The following PRDM16 variants were observed in gnomAD, a reference collection of about 807,000 sequenced individuals.
The protein encoded by PRDM16 is PR/SET domain 16, also known as histone-lysine N-methyltransferase PRDM16.
Under a neutral mutation model 110.6 loss-of-function variants are expected in PRDM16, and 23 were observed. The ratio of observed to expected loss-of-function variants is 0.21; its 90% confidence interval spans 0.15 to 0.29. PRDM16 has a LOEUF of 0.29. Among genes scored for constraint, PRDM16 ranks in the 10% least tolerant of loss-of-function variants. The pLI, the probability that PRDM16 is intolerant of heterozygous loss-of-function variation, is 1.00. For missense variants in PRDM16, 1,615 were observed against 1,794.3 expected (o/e 0.90, Z 1.81); for synonymous variants, 799 against 781.8 (o/e 1.02, Z -0.37).
At chr1:3,124,272 T>C (rs1325163379) in intron 1 of PRDM16, among the ~76,000 whole-genome samples, 1 of 152,168 alleles carries the variant, frequency 6.6e-6, no homozygotes, top group South Asian at 2.1e-4. Context: ...ATGTTAATTT[T>C]AAAATGAAAA....
chr1:3,396,546 T>C lies in PRDM16; in HGVS notation c.629T>C (p.Val210Ala). ...CCAGGTGAGGAGCTGCTGGTGCACG[T>C]GAAGGAAGGCGTCTACCCCCTGGGC... ...IEPGEELLVH[V>A]KEGVYPLGTV... The change falls in exon 5 of 17, where the codon GTG becomes GCG. Residue 210 changes from valine (V) to alanine (A), a missense_variant. Val to Ala is a moderately conservative substitution (Grantham distance 64). Coordinates refer to ENST00000270722, the MANE Select transcript of PRDM16 (RefSeq NM_022114.4). The C allele has an allele frequency of 6.2e-7, 1 of 1,607,586 alleles. No homozygotes were observed. The highest frequency in any genetic ancestry group is 8.5e-7 in the Non-Finnish European group (1 of 1,176,986).
chr1:3,315,159 G>T (rs575117736), intron 3 of PRDM16, among the ~76,000 whole-genome samples: 1 of 148,308 alleles, frequency 6.7e-6, no homozygotes, highest in African/African-American at 2.5e-5. Flanking sequence ...GCTTCACTCC[G>T]TGTCTCCCCC....
intron 3 of PRDM16, among the ~76,000 whole-genome samples, chr1:3,335,602 A>AACAC (rs3036535): frequency 0.064 from 9,269 of 144,300 alleles, 420 homozygotes; most frequent in African/African-American, 0.13. Flanking sequence ...CTGAGGTTAA[A>AACAC]ACACACACAC....
chr1:3,217,693 G>C (rs1557536362), intron 2 of PRDM16, among the ~76,000 whole-genome samples: 1 of 152,192 alleles, frequency 6.6e-6, no homozygotes, highest in Non-Finnish European at 1.5e-5. Flanking sequence ...CTGGGGCCAG[G>C]TCCCCGTGCC....
chr1:3,346,884 T>A lies in PRDM16; in HGVS notation c.439-38268T>A, dbSNP rs932517164. Reference sequence around the variant, plus strand: ...GGCTCCTGAGCAGTTCCTAACACTGTTCACCGGTGCTCTGCCGCTCCCCTT... The same window carrying A: ...GGCTCCTGAGCAGTTCCTAACACTGATCACCGGTGCTCTGCCGCTCCCCTT... On this transcript the variant is annotated intron_variant, in intron 3 of 16. Coordinates refer to ENST00000270722, the MANE Select transcript of PRDM16 (RefSeq NM_022114.4). 2.6e-5 allele frequency among the ~76,000 whole-genome samples: 4 copies of A among 152,184 alleles called. No individual in the cohort carries two copies. The East Asian group carries it at 7.7e-4, about 29-fold the overall frequency.
chr1:3,366,149 G>A (rs781734246), intron 3 of PRDM16, among the ~76,000 whole-genome samples: 6 of 152,230 alleles, frequency 3.9e-5, no homozygotes, highest in Non-Finnish European at 7.3e-5. Context: ...CTAGCGCCCC[G>A]ATGTGCCGAC....
intron 2 of PRDM16, among the ~76,000 whole-genome samples, chr1:3,198,499 C>T (rs927050478): frequency 5.9e-5 from 9 of 152,224 alleles, no homozygotes; most frequent in Non-Finnish European, 1.0e-4. Flanking sequence ...TTTGCAGCTC[C>T]GGGCCCACCT....
At chr1:3,181,311 C>G (rs1253865448) in intron 1 of PRDM16, among the ~76,000 whole-genome samples, 5 of 144,008 alleles carry the variant, frequency 3.5e-5, no homozygotes, top group Non-Finnish European at 7.5e-5. Flanking sequence ...TACACACGGT[C>G]TTACACACGC....
chr1:3,314,381 A>G (rs1388667676), intron 3 of PRDM16, among the ~76,000 whole-genome samples: 1 of 152,004 alleles, frequency 6.6e-6, no homozygotes, highest in Non-Finnish European at 1.5e-5. Flanking sequence ...ACCGAATCGG[A>G]AGGATTTGTT....
intron 1 of PRDM16, among the ~76,000 whole-genome samples, chr1:3,112,119 CT>C (rs763526369): frequency 2.6e-5 from 4 of 152,308 alleles, no homozygotes; most frequent in Non-Finnish European, 2.9e-5. Context: ...TGAGAAGTTC[CT>C]TTCCCCCCCT....
In PRDM16 at chr1:3,436,626, C is replaced by G. The variant is rs1557677478; in HGVS notation, c.*2815C>G. 4.3e-6 allele frequency: 1 copy of G among 232,452 alleles called. No individual in the cohort carries two copies. The highest frequency in any genetic ancestry group is 2.2e-5 in the African/African-American group (1 of 45,274). 14.4% of individuals were successfully genotyped at this position (232,452 alleles called of 1,614,324 possible). ...AGTGTGGCCCCAGGCCCCAGCGAGC[C>G]TCGCCCTCCCAGTTTTGCTCTGCCC... On this transcript the variant is annotated 3_prime_UTR_variant, in exon 17 of 17. Coordinates refer to ENST00000270722, the MANE Select transcript of PRDM16 (RefSeq NM_022114.4).
intron 3 of PRDM16, among the ~76,000 whole-genome samples, chr1:3,320,492 C>T (rs570277002): frequency 1.6e-4 from 24 of 152,318 alleles, no homozygotes; most frequent in African/African-American, 5.3e-4. Flanking sequence ...GGCTGCCTCC[C>T]GGGTTCTTGG....
chr1:3,432,078 C>A lies in PRDM16; in HGVS notation c.3634C>A (p.Leu1212Ile). 1 of 1,614,120 alleles carries A rather than the reference C, an allele frequency of 6.2e-7. No homozygotes were observed. Among genetic ancestry groups the A allele is most frequent in the South Asian group, 1.1e-5 (1 of 91,086 alleles). ...AEEAFEVKDV[L>I]NSTLDSEALK... Reference sequence around the variant, plus strand: ...GGAAGCATTTGAAGTTAAAGATGTGCTTAATTCCACCTTAGATTCTGAGGC... The same window carrying A: ...GGAAGCATTTGAAGTTAAAGATGTGATTAATTCCACCTTAGATTCTGAGGC... Residue 1212 changes from leucine (L) to isoleucine (I), a missense_variant, in exon 16 of 17, where the codon CTT becomes ATT. Physicochemically the swap from Leu to Ile is conservative, Grantham distance 5 (BLOSUM62 2). Coordinates refer to ENST00000270722, the MANE Select transcript of PRDM16 (RefSeq NM_022114.4).
chr1:3,414,329 C>T (rs1301401001), intron 9 of PRDM16, among the ~76,000 whole-genome samples: 3 of 152,120 alleles, frequency 2.0e-5, no homozygotes, highest in African/African-American at 7.2e-5. Flanking sequence ...TGTTCAGGGG[C>T]AGGTGGTGAC....
rs376206605 is a variant in PRDM16 at position 3,412,159 on chromosome 1, G to A, written c.1962G>A (p.Ala654=). 2.9e-5 allele frequency: 45 copies of A among 1,560,146 alleles called. No homozygotes were observed. Among genetic ancestry groups the A allele is most frequent in the Admixed American group, 1.9e-5 (1 of 52,384 alleles). ...AGCCCAAGTTTGGGGGCGGCTTGGCGCCCCCGGGGGCCCCGAACAGCGTGG... is the reference window on the plus strand; with the variant it reads ...AGCCCAAGTTTGGGGGCGGCTTGGCACCCCCGGGGGCCCCGAACAGCGTGG... ...EGQPKFGGGL[A]PPGAPNSVAE... Residue 654 remains alanine (A), a synonymous_variant, in exon 9 of 17, where the codon GCG becomes GCA. Coordinates refer to ENST00000270722, the MANE Select transcript of PRDM16 (RefSeq NM_022114.4).
chr1:3,226,764 C>T (rs1364109628), intron 2 of PRDM16, among the ~76,000 whole-genome samples: 1 of 152,138 alleles, frequency 6.6e-6, no homozygotes, highest in African/African-American at 2.4e-5. Flanking sequence ...GACATAAACC[C>T]CTGCACGCCT....
intron 3 of PRDM16, among the ~76,000 whole-genome samples, chr1:3,312,377 C>T (rs917509144): frequency 1.3e-5 from 2 of 152,204 alleles, no homozygotes; most frequent in African/African-American, 4.8e-5. Context: ...GGGACAGGCA[C>T]GGGTGTGGTG....
intron 2 of PRDM16, among the ~76,000 whole-genome samples, chr1:3,220,021 T>C (rs913906573): frequency 2.6e-5 from 4 of 152,244 alleles, no homozygotes; most frequent in African/African-American, 4.8e-5. Flanking sequence ...CTGAAAACCA[T>C]TGACCACGTA....
intron 1 of PRDM16, among the ~76,000 whole-genome samples, chr1:3,151,945 T>C (rs527404654): frequency 6.6e-6 from 1 of 152,324 alleles, no homozygotes; most frequent in East Asian, 1.9e-4. Flanking sequence ...GACATCCCAC[T>C]CTTGGAGAGA....
Sources: gnomAD v4.1 joint callset for allele counts (sites outside exome capture counted in the v4.1 genomes callset) on GRCh38, gnomAD v4.1.1 for gene constraint, MANE v1.5 for transcripts, NCBI Gene and HGNC (gene_info 2026-07-23, HGNC 2026-07-21) for gene names.